Variants in SPOCK1 observed in about 807,000 individuals in gnomAD.
SPOCK1 encodes SPARC (osteonectin), cwcv and kazal like domains proteoglycan 1.
A neutral mutation model predicts 55.3 loss-of-function variants in SPOCK1; 23 were observed. The ratio of observed to expected loss-of-function variants is 0.42; its 90% CI spans 0.30 to 0.59. The LOEUF (loss-of-function observed/expected upper bound fraction) is 0.59, where lower values mean the gene tolerates loss of function less well. Among genes scored for constraint, SPOCK1 ranks in the 20% least tolerant of loss-of-function variants. The probability of loss-of-function intolerance (pLI) is 0.22; values close to 1 mark genes in which losing one functional copy is unlikely to be tolerated. For missense variants in SPOCK1, 499 were observed against 552.5 expected (o/e 0.90, Z 0.97); for synonymous variants, 226 against 221.0 (o/e 1.02, Z -0.20).
At chr5:137,118,179 C>T (rs945441668) in intron 4 of SPOCK1, among the ~76,000 whole-genome samples, 3 of 152,128 alleles carry the variant, frequency 2.0e-5, no homozygotes, top group African/African-American at 7.2e-5. Flanking sequence ...TGCTATAAAA[C>T]AATTCTTTGG....
chr5:137,021,979 T>G (rs1751585408), intron 6 of SPOCK1, among the ~76,000 whole-genome samples: 1 of 152,178 alleles, frequency 6.6e-6, no homozygotes, highest in Admixed American at 6.5e-5. Context: ...CAGTTTATAT[T>G]TTCAAAATAT....
rs141883818 is a variant in SPOCK1, at chr5:137,394,617, C to T, written c.186+103756G>A. On this transcript the variant is annotated intron_variant, in intron 2 of 10. Transcript: ENST00000394945. Reference sequence around the variant, plus strand: ...AAGGCTGGGTATGAATCTCATTCATCTTTGCAACTCTCCCATCTGAACCAG... The same window carrying T: ...AAGGCTGGGTATGAATCTCATTCATTTTTGCAACTCTCCCATCTGAACCAG... Among the ~76,000 whole-genome samples, 170 of 152,306 alleles carry T rather than the reference C, an allele frequency of 1.1e-3. 3 individuals are homozygous for T. Among genetic ancestry groups the T allele is most frequent in the Middle Eastern group, 0.01 (3 of 294 alleles).
At chr5:137,361,608 G>A (rs1349413638) in intron 2 of SPOCK1, among the ~76,000 whole-genome samples, 4 of 152,156 alleles carry the variant, frequency 2.6e-5, no homozygotes, top group Non-Finnish European at 5.9e-5. Context: ...ATTTACACAC[G>A]ATTAGGAATC....
Position 136,992,552 on chromosome 5 carries a change from C to G in SPOCK1, c.638G>C (p.Trp213Ser), listed in dbSNP as rs1158891066. ...LRNLASRLKD[W>S]FGALHEDANR... Reference sequence around the variant, plus strand: ...CGCATCCTCGTGGAGAGCTCCAAACCAATCCTTCAGCCGGGAGGCAAGGTT... The same window carrying G: ...CGCATCCTCGTGGAGAGCTCCAAACGAATCCTTCAGCCGGGAGGCAAGGTT... Residue 213 changes from tryptophan (W) to serine (S), a missense_variant, in exon 7 of 11, where the codon TGG (tryptophan) becomes TCG (serine). By Grantham distance (177) the Trp-to-Ser change is radical. Around this residue, in one of 3 missense-constraint regions of SPOCK1, gnomAD observed 386 missense variants for 400.6 expected, o/e 0.96. Transcript: ENST00000394945. The G allele has an allele frequency of 6.2e-7, 1 of 1,613,858 alleles. No individual in the cohort carries two copies. Among genetic ancestry groups the G allele is most frequent in the Non-Finnish European group, 8.5e-7 (1 of 1,179,896 alleles).
chr5:136,991,710 T>A (rs1347165404), intron 7 of SPOCK1, among the ~76,000 whole-genome samples: 1 of 152,222 alleles, frequency 6.6e-6, no homozygotes, highest in African/African-American at 2.4e-5. Context: ...ATCTATTCTG[T>A]GCTCATTGGC....
intron 2 of SPOCK1, among the ~76,000 whole-genome samples, chr5:137,471,296 T>C (rs139267328): frequency 2.5e-4 from 38 of 152,348 alleles, no homozygotes; most frequent in African/African-American, 8.9e-4. Context: ...ATAATACTCC[T>C]CAAAGTTAAA....
At chr5:137,235,828 T>TA (rs1253348559) in intron 3 of SPOCK1, among the ~76,000 whole-genome samples, 2 of 152,208 alleles carry the variant, frequency 1.3e-5, no homozygotes, top group Non-Finnish European at 2.9e-5. Flanking sequence ...GCAGCTCACA[T>TA]AGGTGGTTCG....
chr5:137,410,170 T>C (rs1752179736), intron 2 of SPOCK1, among the ~76,000 whole-genome samples: 1 of 152,246 alleles, frequency 6.6e-6, no homozygotes, highest in Non-Finnish European at 1.5e-5. Context: ...ATGCCTTTAT[T>C]ATCATGCTCC....
chr5:137,497,205 A>G (rs2149846919), intron 2 of SPOCK1, among the ~76,000 whole-genome samples: 1 of 152,348 alleles, frequency 6.6e-6, no homozygotes, highest in East Asian at 1.9e-4. Context: ...ATCCCACCTC[A>G]AAGAGTCTGT....
intron 2 of SPOCK1, among the ~76,000 whole-genome samples, chr5:137,298,019 C>T (rs1757521429): frequency 6.6e-6 from 1 of 152,154 alleles, no homozygotes; most frequent in Admixed American, 6.5e-5. Context: ...ACAGACGTGG[C>T]CCCAACCTCA....
At chr5:137,457,728 G>C (rs1454714880) in intron 2 of SPOCK1, among the ~76,000 whole-genome samples, 1 of 152,176 alleles carries the variant, frequency 6.6e-6, no homozygotes, top group Non-Finnish European at 1.5e-5. Flanking sequence ...AAAGCACTGA[G>C]CCTACCTTCA....
At position 137,139,725 on chromosome 5, in the gene SPOCK1, A is replaced by G. The variant is rs191681764; in HGVS notation, c.347+855T>C. ...CCACTGCGACACCTCTCAATTGTACAGGCAGCACAGGGAGAAGTGCAGAAT... is the reference window on the plus strand; with the variant it reads ...CCACTGCGACACCTCTCAATTGTACGGGCAGCACAGGGAGAAGTGCAGAAT... On this transcript the variant is annotated intron_variant, in intron 4 of 10. Coordinates refer to ENST00000394945, the MANE Select transcript of SPOCK1 (RefSeq NM_004598.4). Among the ~76,000 whole-genome samples the G allele has an allele frequency of 2.8e-3, 421 of 152,296 alleles. 1 individual carries two copies. Among genetic ancestry groups the G allele is most frequent in the Middle Eastern group, 0.01 (3 of 294 alleles).
chr5:137,193,250 G>A (rs1377115473), intron 3 of SPOCK1, among the ~76,000 whole-genome samples: 5 of 152,114 alleles, frequency 3.3e-5, no homozygotes, highest in Non-Finnish European at 5.9e-5. Context: ...CCAATTAGGA[G>A]GTTGCTGCAA....
At chr5:137,178,871 T>A (rs115694054) in intron 3 of SPOCK1, among the ~76,000 whole-genome samples, 1 of 152,164 alleles carries the variant, frequency 6.6e-6, no homozygotes, top group Non-Finnish European at 1.5e-5. Flanking sequence ...TCCCCTGGGA[T>A]AGGCTTAAGA....
intron 6 of SPOCK1, among the ~76,000 whole-genome samples, chr5:136,997,106 G>A (rs1294068317): frequency 6.6e-6 from 1 of 152,116 alleles, no homozygotes; most frequent in Non-Finnish European, 1.5e-5. Context: ...GTTTCTACAC[G>A]TTATGACGTA....
chr5:137,269,531 G>A (rs1019968591), intron 2 of SPOCK1, among the ~76,000 whole-genome samples: 1 of 152,210 alleles, frequency 6.6e-6, no homozygotes, highest in African/African-American at 2.4e-5. Context: ...AGCAGCCACT[G>A]CTGCAGTCTA....
intron 6 of SPOCK1, among the ~76,000 whole-genome samples, chr5:137,008,505 A>G (rs531056908): frequency 1.3e-4 from 20 of 152,322 alleles, no homozygotes; most frequent in African/African-American, 4.6e-4. Context: ...TGTGCTATCA[A>G]TAATAAATAC....
intron 3 of SPOCK1, among the ~76,000 whole-genome samples, chr5:137,161,860 C>T (rs137898574): frequency 1.3e-5 from 2 of 152,248 alleles, no homozygotes; most frequent in East Asian, 3.9e-4. Flanking sequence ...TATCCAATTT[C>T]CATTACGTAA....
intron 2 of SPOCK1, among the ~76,000 whole-genome samples, chr5:137,359,689 T>G (rs569050083): frequency 6.6e-6 from 1 of 152,188 alleles, no homozygotes; most frequent in African/African-American, 2.4e-5. Flanking sequence ...CTGCAGTCCA[T>G]ACTAAGGAGC....
Sources: gnomAD v4.1 joint callset for allele counts (sites outside exome capture counted in the v4.1 genomes callset) on GRCh38, gnomAD v4.1.1 for gene constraint, gnomAD v4.1.1 regional missense constraint, MANE v1.5 for transcripts, NCBI Gene and HGNC (gene_info 2026-07-23, HGNC 2026-07-21) for gene names.